CCNI: variants seen among roughly 807,000 people sequenced by gnomAD.
CCNI encodes cyclin-I.
Under a neutral mutation model 34.1 loss-of-function variants are expected in CCNI, and 14 were observed. The observed-to-expected ratio is 0.41, with a 90% CI of 0.27 to 0.64. The LOEUF (loss-of-function observed/expected upper bound fraction) is 0.64, where lower values mean the gene tolerates loss of function less well. Among genes scored for constraint, CCNI ranks in the 30% least tolerant of loss-of-function variants. The pLI is 0.31. For missense variants in CCNI, 385 were observed against 440.5 expected, an observed-to-expected ratio of 0.87 and a Z score of 1.13; for synonymous variants, 154 against 158.4, an observed-to-expected ratio of 0.97 and a Z score of 0.21.
At chr4:77,051,954 G>GTT (rs374549894) in intron 6 of CCNI, among the ~76,000 whole-genome samples, 29 of 141,412 alleles carry the variant, frequency 2.1e-4, no homozygotes, top group African/African-American at 5.9e-4. Context: ...CTGTTTTTTT[G>GTT]TTTTTTTTTT....
chr4:77,071,668 A>G (rs1729475085), intron 1 of CCNI, among the ~76,000 whole-genome samples: 1 of 152,200 alleles, frequency 6.6e-6, no homozygotes, highest in Admixed American at 6.5e-5. Context: ...AAAAGAAGAC[A>G]CTACCTACCT....
intron 1 of CCNI, among the ~76,000 whole-genome samples, chr4:77,067,083 T>C (rs1729086704): frequency 6.6e-6 from 1 of 151,854 alleles, no homozygotes; most frequent in Non-Finnish European, 1.5e-5. Flanking sequence ...AATACAAAAA[T>C]TAACTGGGCA....
intron 2 of CCNI, among the ~76,000 whole-genome samples, chr4:77,065,336 G>C (rs944351093): frequency 3.3e-5 from 5 of 152,200 alleles, no homozygotes; most frequent in Non-Finnish European, 7.3e-5. Flanking sequence ...CAAGCACCAT[G>C]TTAGATATTA....
At chr4:77,069,131 T>C (rs755996044) in intron 1 of CCNI, among the ~76,000 whole-genome samples, 1 of 152,192 alleles carries the variant, frequency 6.6e-6, no homozygotes, top group Non-Finnish European at 1.5e-5. Context: ...CGTTATAAAT[T>C]CCTGGCCAGG....
chr4:77,074,223 G>C (rs1035318764), intron 1 of CCNI, among the ~76,000 whole-genome samples: 1 of 152,164 alleles, frequency 6.6e-6, no homozygotes, highest in African/African-American at 2.4e-5. Context: ...TGTAACTGCA[G>C]ATCATTTTTA....
intron 3 of CCNI, among the ~76,000 whole-genome samples, chr4:77,056,954 C>A (rs1259829272): frequency 6.6e-6 from 1 of 152,078 alleles, no homozygotes; most frequent in East Asian, 1.9e-4. Context: ...AATATCAATT[C>A]CATTGCTCAA....
chr4:77,059,831 A>C (rs1482630482), intron 2 of CCNI, among the ~76,000 whole-genome samples: 1 of 152,200 alleles, frequency 6.6e-6, no homozygotes, highest in Admixed American at 6.5e-5. Context: ...TTCTGGATGA[A>C]GAGTTAAGCA....
intron 6 of CCNI, among the ~76,000 whole-genome samples, chr4:77,052,451 A>T (rs1727930028): frequency 6.6e-6 from 1 of 152,174 alleles, no homozygotes; most frequent in Non-Finnish European, 1.5e-5. Context: ...TAGCCATCCC[A>T]GAATGGTGAC....
At chr4:77,070,292 C>G (rs1324168321) in intron 1 of CCNI, among the ~76,000 whole-genome samples, 1 of 151,474 alleles carries the variant, frequency 6.6e-6, no homozygotes, top group African/African-American at 2.4e-5. Flanking sequence ...GCTGGGAGTA[C>G]TGGCATGAGC....
intron 1 of CCNI, among the ~76,000 whole-genome samples, chr4:77,071,346 C>A (rs1485335857): frequency 6.6e-6 from 1 of 152,086 alleles, no homozygotes; most frequent in Non-Finnish European, 1.5e-5. Flanking sequence ...TTACCAGATA[C>A]AATTAAAGCA....
At chr4:77,071,335 C>CCAA (rs1260016212) in intron 1 of CCNI, among the ~76,000 whole-genome samples, 1 of 152,100 alleles carries the variant, frequency 6.6e-6, no homozygotes, top group Admixed American at 6.5e-5. Context: ...TATACCAAAA[C>CCAA]TTACCAGATA....
Position 77,047,651 on chromosome 4 carries a change from AAT to A in CCNI, c.*566_*567del, listed in dbSNP as rs968127520. ...AAATGAGACACAAAATCAACCTGGT[AAT>A]ATGAGAACTTTTTCTTTTGCCATCT... On this transcript the variant is annotated 3_prime_UTR_variant, in exon 7 of 7. Coordinates refer to ENST00000237654, the MANE Select transcript of CCNI (RefSeq NM_006835.3). The A allele has an allele frequency of 3.5e-4, 54 of 152,344 alleles. No homozygotes were observed. Among genetic ancestry groups the A allele is most frequent in the African/African-American group, 1.2e-3 (51 of 41,570 alleles). The allele number at this position is 152,344 out of a possible 1,614,324, so 9.4% of individuals were successfully genotyped here.
At chr4:77,064,585 G>GCGCACACACACACGCGCA (rs375436623) in intron 2 of CCNI, 1 of 143,034 alleles carries the variant, frequency 7.0e-6, no homozygotes, top group East Asian at 2.1e-4. Flanking sequence ...GCGCGCGCGC[G>GCGCACACACACACGCGCA]CACACACACA....
At chr4:77,075,159 A>G (rs957381773) in intron 1 of CCNI, 4 of 152,044 alleles carry the variant, frequency 2.6e-5, no homozygotes, top group Admixed American at 2.6e-4. Flanking sequence ...AGCCTCCAAC[A>G]CGCACTATAG....
chr4:77,057,843 C>T (rs1002964054), intron 3 of CCNI, among the ~76,000 whole-genome samples: 3 of 152,134 alleles, frequency 2.0e-5, no homozygotes, highest in Non-Finnish European at 2.9e-5. Flanking sequence ...CAGAGAAAAA[C>T]GTGCAATAGG....
At chr4:77,056,198 T>C in intron 4 of CCNI, 51 bp downstream of exon 4, 2 of 1,595,280 alleles carry the variant, frequency 1.3e-6, no homozygotes, top group Non-Finnish European at 1.7e-6. Flanking sequence ...AGTTAATAAA[T>C]GTGGAGAGAA....
intron 6 of CCNI, among the ~76,000 whole-genome samples, chr4:77,052,585 T>C (rs190455328): frequency 6.6e-6 from 1 of 152,240 alleles, no homozygotes; most frequent in Admixed American, 6.5e-5. Context: ...CAGGCAGAAC[T>C]AGTGAGAGTG....
rs112476238 is a variant in CCNI, at chr4:77,067,246, C to CAA, written c.-43-843_-43-842dup. 2.0e-3 allele frequency among the ~76,000 whole-genome samples: 279 copies of CAA among 141,644 alleles called. 1 individual carries two copies. Among genetic ancestry groups the CAA allele is most frequent in the African/African-American group, 6.7e-3 (263 of 39,304 alleles). 92.9% of individuals were successfully genotyped at this position (141,644 alleles called of 152,430 possible). ...CACTCCGTCTCAAAAACAAACAAAC[C>CAA]AAAAAAAAAAAATGTATTTCTTCAG... On this transcript the variant is annotated intron_variant, in intron 1 of 6. Transcript: ENST00000237654.
At position 77,055,361 on chromosome 4, in the gene CCNI, G is replaced by GAC; in HGVS notation, c.477_478dup (p.Ser160CysfsTer14). The GAC allele has an allele frequency of 6.2e-7, 1 of 1,613,030 alleles. No individual in the cohort carries two copies. Among genetic ancestry groups the GAC allele is most frequent in the Non-Finnish European group, 8.5e-7 (1 of 1,179,050 alleles). On this transcript the variant is annotated frameshift_variant, in exon 6 of 7. Coordinates refer to ENST00000237654, the MANE Select transcript of CCNI (RefSeq NM_006835.3). LOFTEE classifies it high-confidence loss of function. ...ACTGAAAAGTAACTGAGGCCTAGTTGACACTGCAATGGCATGGAACTGAAA... is the reference window on the plus strand; with the variant it reads ...ACTGAAAAGTAACTGAGGCCTAGTTGACACACTGCAATGGCATGGAACTGAAA...
Sources: gnomAD v4.1 joint callset for allele counts (sites outside exome capture counted in the v4.1 genomes callset) on GRCh38, gnomAD v4.1.1 for gene constraint, MANE v1.5 for transcripts, NCBI Gene and HGNC (gene_info 2026-07-23, HGNC 2026-07-21) for gene names.